The following ARSD variants were observed in gnomAD, a reference collection of about 807,000 sequenced individuals.
ARSD encodes testis tissue sperm-binding protein Li 39a.
ARSD carries 21 observed loss-of-function variants against 32.6 expected under a neutral mutation model. That is an observed-to-expected ratio of 0.64 (90% confidence interval 0.46 to 0.93). The LOEUF (loss-of-function observed/expected upper bound fraction) is 0.93, where lower values mean the gene tolerates loss of function less well. ARSD is among the 40% of genes least tolerant of loss of function. The pLI is 0.00. For missense variants in ARSD, 454 were observed against 520.9 expected (o/e 0.87, Z 1.25); for synonymous variants, 224 against 237.4 (o/e 0.94, Z 0.52).
rs373076877 is a variant in ARSD, at chrX:2,918,052, C to A, written c.615G>T (p.Gln205His). 44 of 1,201,641 alleles carry A rather than the reference C, an allele frequency of 3.7e-5. No homozygotes were observed. The highest frequency in any genetic ancestry group is 3.4e-6 in the Non-Finnish European group (3 of 890,560). Residue 205 changes from glutamine to histidine, a missense_variant, in exon 5 of 10, where the codon CAG becomes CAT. Physicochemically the swap from Gln to His is conservative, Grantham distance 24. This residue lies in a region of ARSD where 271 missense variants were observed against 301.0 expected (regional missense o/e 0.90). Coordinates refer to ENST00000381154, the MANE Select transcript of ARSD (RefSeq NM_001669.4). ...ALRAQLWGYTQFLALGILTLA... is the reference protein window; with the variant it reads ...ALRAQLWGYTHFLALGILTLA... ...GGGTGAGAATCCCCAGCGCCAGGAA[C>A]TGGGTGTAACCCCAGAGCTGCGCCC...
chrX:2,908,876 G>T (rs753623597), intron 8 of ARSD, 34 bp from the exon 9 acceptor site: 1 of 1,209,790 alleles, frequency 8.3e-7, no homozygotes, highest in Admixed American at 2.2e-5. Context: ...AGCAGAGTCA[G>T]ACCACGGGTT....
chrX:2,908,975 G>T (rs1425174494), intron 8 of ARSD, 133 bp from the exon 9 acceptor site: 2 of 973,976 alleles, frequency 2.1e-6, no homozygotes, highest in Non-Finnish European at 2.8e-6. Context: ...CTCTCCAGTC[G>T]CTGTTCAGAT....
At chrX:2,908,251 C>CT (rs763348936) in intron 9 of ARSD, among the ~76,000 whole-genome samples, 52 of 108,241 alleles carry the variant, frequency 4.8e-4, no homozygotes, top group Middle Eastern at 4.7e-3. Context: ...ATCTATCTAT[C>CT]ATCTATCTTA....
chrX:2,920,546 T>G, intron 4 of ARSD, 55 bp downstream of exon 4: 1 of 1,207,863 alleles, frequency 8.3e-7, no homozygotes, highest in Non-Finnish European at 1.1e-6. Flanking sequence ...TGGGATCTTT[T>G]TTATCACGAA....
chrX:2,926,918 A>G (rs1222782918), intron 1 of ARSD, among the ~76,000 whole-genome samples: 2 of 109,558 alleles, frequency 1.8e-5, no homozygotes, highest in African/African-American at 6.7e-5. Context: ...CAGTCCTTGA[A>G]CTGCAGTGGA....
At chrX:2,908,584 A>T (rs1191148925) in intron 9 of ARSD, 137 bp downstream of exon 9, 2 of 475,038 alleles carry the variant, frequency 4.2e-6, no homozygotes, top group Non-Finnish European at 2.9e-6. Flanking sequence ...ATCTATCTCT[A>T]TTTCTATAGC....
intron 6 of ARSD, 25 bp downstream of exon 6, chrX:2,915,531 G>T: frequency 8.3e-7 from 1 of 1,209,463 alleles, no homozygotes; most frequent in East Asian, 3.0e-5. Context: ...AGGGTGGAGT[G>T]AGGCTCCATG....
chrX:2,918,073 C>T lies in ARSD; in HGVS notation c.594G>A (p.Ala198=), dbSNP rs772622495. The change falls in exon 5 of 10, where the codon GCG becomes GCA. Residue 198 remains alanine, a synonymous_variant. Transcript: ENST00000381154. ...GGAACTGGGTGTAACCCCAGAGCTG[C>T]GCCCTCAGGGCGGCGTCCACTTCGG... ...RPPEVDAALR[A]QLWGYTQFLA... 2.5e-6 allele frequency: 3 copies of T among 1,200,878 alleles called. No individual in the cohort carries two copies. The highest frequency in any genetic ancestry group is 1.8e-5 in the South Asian group (1 of 55,520).
rs1301330782 is a variant in ARSD at position 2,907,386 on chromosome X, C to G, written c.1667G>C (p.Ser556Thr). 2 of 1,212,240 alleles carry G rather than the reference C, an allele frequency of 1.6e-6. No homozygotes were observed. The highest frequency in any genetic ancestry group is 2.2e-6 in the Non-Finnish European group (2 of 895,644). ...CATGGAAAACTGCTGGGGCACAGGA[C>G]TCAGGGTCTGCCGATGCTCCGACAC... ...AAVSEHRQTL[S>T]PVPQQFSMSN... Residue 556 changes from serine (S) to threonine (T), a missense_variant, in exon 10 of 10, where the codon AGT becomes ACT. By Grantham distance (58) the Ser-to-Thr change is moderately conservative. Around this residue, in one of 3 missense-constraint regions of ARSD, gnomAD observed 179 missense variants for 198.5 expected, o/e 0.90. Transcript: ENST00000381154.
intron 9 of ARSD, chrX:2,907,954 T>C (rs1057068601): frequency 1.2e-6 from 1 of 856,827 alleles, no homozygotes; most frequent in African/African-American, 2.1e-5. Flanking sequence ...TCCCCTGTGT[T>C]GAAACTGTTC....
intron 1 of ARSD, among the ~76,000 whole-genome samples, chrX:2,927,299 G>A (rs1377428020): frequency 4.7e-5 from 5 of 106,448 alleles, no homozygotes; most frequent in African/African-American, 1.4e-4. Flanking sequence ...CACTCTTGTC[G>A]CCCAGGCTGC....
Position 2,909,554 on chromosome X carries a change from C to G in ARSD, c.1298+263G>C, listed in dbSNP as rs764211298. ...CACATGGGTAAAGGAGATGGTGGCG[C>G]ATGCCTGTAATCCCAGCTACTCGGG... On this transcript the variant is annotated intron_variant, in intron 8 of 9. Transcript: ENST00000381154. 4.2e-3 allele frequency among the ~76,000 whole-genome samples: 458 copies of G among 108,460 alleles called. 4 individuals carry two copies. The highest frequency in any genetic ancestry group is 0.015 in the African/African-American group (440 of 29,762). The allele number at this position is 108,460 out of a possible 115,157, so 94.2% of individuals were successfully genotyped here. A position where few individuals can be genotyped will look rare whatever the true frequency, so the allele number is the denominator to read the frequency against.
chrX:2,918,077 C>T lies in ARSD; in HGVS notation c.590G>A (p.Arg197Lys). The T allele has an allele frequency of 8.3e-7, 1 of 1,200,469 alleles. No homozygotes were observed. Among genetic ancestry groups the T allele is most frequent in the Non-Finnish European group, 1.1e-6 (1 of 889,552 alleles). ...GRPPEVDAAL[R>K]AQLWGYTQFL... is the part of the protein sequence containing the mutation. ...CTGGGTGTAACCCCAGAGCTGCGCC[C>T]TCAGGGCGGCGTCCACTTCGGGGGG... The change falls in exon 5 of 10, where the codon AGG (arginine) becomes AAG (lysine). Residue 197 changes from arginine (R) to lysine (K), a missense_variant. Physicochemically the swap from Arg to Lys is conservative, Grantham distance 26 (BLOSUM62 2). Coordinates refer to ENST00000381154, the MANE Select transcript of ARSD (RefSeq NM_001669.4).
At chrX:2,922,842 C>CAAAAAAAAAAAAAAAAAAAAAAAAA (rs60380048) in intron 2 of ARSD, among the ~76,000 whole-genome samples, 1 of 43,717 alleles carries the variant, frequency 2.3e-5, no homozygotes, top group Non-Finnish European at 3.9e-5. Context: ...GACCGTGTCT[C>CAAAAAAAAAAAAAAAAAAAAAAAAA]AAAAAAAAAA....
chrX:2,922,455 G>A (rs953412420), intron 2 of ARSD, among the ~76,000 whole-genome samples: 1 of 110,187 alleles, frequency 9.1e-6, no homozygotes, highest in African/African-American at 3.3e-5. Flanking sequence ...AGCACCAAAG[G>A]AGACAGTCCC....
At position 2,918,746 on chromosome X, in the gene ARSD, C is replaced by A. The variant is rs5939400; in HGVS notation, c.440-519G>T. On this transcript the variant is annotated intron_variant, in intron 4 of 9. Transcript: ENST00000381154. The stretch of plus-strand genomic sequence containing the variant: ...CAGAGCCAGACTCCGTCTCAAAAAA[C>A]AAAAATGAAAATAAAAGTAAAAATT... 2.7e-3 allele frequency among the ~76,000 whole-genome samples: 289 copies of A among 108,546 alleles called. 1 individual carries two copies. Among genetic ancestry groups the A allele is most frequent in the African/African-American group, 8.0e-3 (239 of 29,774 alleles). 94.3% of individuals were successfully genotyped at this position (108,546 alleles called of 115,157 possible).
intron 1 of ARSD, among the ~76,000 whole-genome samples, chrX:2,927,240 C>T (rs866492834): frequency 2.0e-5 from 2 of 100,670 alleles, no homozygotes; most frequent in Admixed American, 1.1e-4. Context: ...CCTAACTTTC[C>T]TTTTTTTTTT....
chrX:2,921,165 C>T (rs772171295), intron 3 of ARSD, among the ~76,000 whole-genome samples: 9 of 111,250 alleles, frequency 8.1e-5, no homozygotes, highest in African/African-American at 2.0e-4. Flanking sequence ...GGATGACAGA[C>T]GCCATGTGAT....
rs1388644199 is a variant in ARSD at position 2,913,652 on chromosome X, T to C, written c.1000+1904A>G. 6 of 993,899 alleles carry C rather than the reference T, an allele frequency of 6.0e-6. No homozygotes were observed. The African/African-American group carries it at 1.2e-4, about 20-fold the overall frequency. 81.9% of individuals were successfully genotyped at this position (993,899 alleles called of 1,213,427 possible). The stretch of plus-strand genomic sequence containing the variant: ...TCAAGGCCATAGAAGGAAGGTGACC[T>C]CTCTGCATTGTCCGAACTTTATTGC... On this transcript the variant is annotated intron_variant, in intron 6 of 9. Transcript: ENST00000381154.
Sources: allele counts gnomAD v4.1 joint callset (sites outside exome capture counted in the v4.1 genomes callset), GRCh38; gene constraint gnomAD v4.1.1; regional missense constraint gnomAD v4.1.1; transcripts MANE v1.5; gene names NCBI Gene and HGNC (gene_info 2026-07-23, HGNC 2026-07-21).